The following FUT8 variants were observed in gnomAD, a reference collection of about 807,000 sequenced individuals.
FUT8 encodes the protein fucosyltransferase 8, also known as alpha-(1,6)-fucosyltransferase.
In FUT8, 29 loss-of-function variants were observed where a neutral mutation model predicts 71.3. The observed-to-expected ratio is 0.41, with a 90% CI of 0.30 to 0.55. The LOEUF (loss-of-function observed/expected upper bound fraction) is 0.55, where lower values mean the gene tolerates loss of function less well. Ranked by LOEUF, FUT8 falls within the 20% of genes least tolerant of loss-of-function variation. The pLI, the probability that FUT8 is intolerant of heterozygous loss-of-function variation, is 0.34. For missense variants in FUT8, 544 were observed against 702.1 expected (o/e 0.77, Z 2.55); for synonymous variants, 254 against 239.3 (o/e 1.06, Z -0.57).
chr14:65,471,862 CAA>C (rs1412254223), intron 2 of FUT8, among the ~76,000 whole-genome samples: 1 of 151,818 alleles, frequency 6.6e-6, no homozygotes, highest in Non-Finnish European at 1.5e-5. Context: ...TGTAACTAGT[CAA>C]AAGACTTATT....
chr14:65,532,701 T>G (rs1431760305), intron 2 of FUT8, among the ~76,000 whole-genome samples: 1 of 152,208 alleles, frequency 6.6e-6, no homozygotes, highest in Non-Finnish European at 1.5e-5. Flanking sequence ...GTCTTTGTCA[T>G]GAAATCTTTC....
At chr14:65,642,132 G>C (rs1310013476) in intron 6 of FUT8, among the ~76,000 whole-genome samples, 1 of 151,970 alleles carries the variant, frequency 6.6e-6, no homozygotes, top group Non-Finnish European at 1.5e-5. Flanking sequence ...ATTTTTTCTG[G>C]TTTCTTCTAG....
the FUT8 span, among the ~76,000 whole-genome samples, chr14:65,385,326 T>G: frequency 1.3e-5 from 2 of 149,806 alleles, no homozygotes; most frequent in African/African-American, 4.9e-5. Flanking sequence ...AAAACTTTTC[T>G]TTAATTTTTG....
chr14:65,715,527 G>A (rs1895011145), intron 7 of FUT8, among the ~76,000 whole-genome samples: 1 of 151,996 alleles, frequency 6.6e-6, no homozygotes, highest in African/African-American at 2.4e-5. Context: ...TAGTTTTGTG[G>A]TTCTTTAAGA....
At chr14:65,694,201 C>A (rs1893861928) in intron 7 of FUT8, among the ~76,000 whole-genome samples, 2 of 152,016 alleles carry the variant, frequency 1.3e-5, no homozygotes, top group Non-Finnish European at 2.9e-5. Flanking sequence ...ATTTCTTCTG[C>A]TTACTTTGGA....
chr14:65,592,083 A>G (rs1052126665), intron 3 of FUT8, among the ~76,000 whole-genome samples: 1 of 151,922 alleles, frequency 6.6e-6, no homozygotes, highest in Non-Finnish European at 1.5e-5. Context: ...AATTATGAAG[A>G]TTTTTCTGCG....
In FUT8 at chr14:65,652,478, G is replaced by T. The variant is rs902965505; in HGVS notation, c.598-16765G>T. On this transcript the variant is annotated intron_variant, in intron 6 of 10. Transcript: ENST00000673929. This position sits in a 1 kb window ranked among gnomAD's most constrained non-coding sequence, Gnocchi z 4.0. ...TGTGAGAAGCTTGAGAGGACATGAT[G>T]CTTTGGAGCTGTTACAACCATCTTG... 6.6e-6 allele frequency among the ~76,000 whole-genome samples: 1 copy of T among 152,190 alleles called. No individual in the cohort carries two copies.
chr14:65,622,241 T>C (rs1889654295), intron 5 of FUT8, among the ~76,000 whole-genome samples: 1 of 152,238 alleles, frequency 6.6e-6, no homozygotes, highest in Admixed American at 6.5e-5. Flanking sequence ...TGCTAAATAC[T>C]TAGCTTTTCT....
intron 3 of FUT8, among the ~76,000 whole-genome samples, chr14:65,591,541 C>T (rs1887686003): frequency 6.6e-6 from 1 of 152,060 alleles, no homozygotes; most frequent in Non-Finnish European, 1.5e-5. Flanking sequence ...GCTTAATTAG[C>T]ATTGGCAAAG....
chr14:65,687,505 C>T (rs193293044), intron 7 of FUT8, among the ~76,000 whole-genome samples: 64 of 152,116 alleles, frequency 4.2e-4, no homozygotes, highest in Admixed American at 8.5e-4. Context: ...ACACCTATTG[C>T]TGAAAAACCC....
At chr14:65,621,226 G>A (rs1889588341) in intron 5 of FUT8, among the ~76,000 whole-genome samples, 1 of 151,920 alleles carries the variant, frequency 6.6e-6, no homozygotes, top group African/African-American at 2.4e-5. Flanking sequence ...GTCCTACAAG[G>A]TATGCATTAT....
intron 2 of FUT8, among the ~76,000 whole-genome samples, chr14:65,495,053 G>A (rs2066537856): frequency 6.6e-6 from 1 of 151,858 alleles, no homozygotes; most frequent in Admixed American, 6.6e-5. Flanking sequence ...TGTGAAACAT[G>A]GTGTTTGTTG....
intron 3 of FUT8, among the ~76,000 whole-genome samples, chr14:65,571,864 C>G (rs142235444): frequency 6.6e-4 from 101 of 152,088 alleles, no homozygotes; most frequent in African/African-American, 2.3e-3. Flanking sequence ...GCATTGTTAC[C>G]TGTTTTTTCT....
intron 7 of FUT8, among the ~76,000 whole-genome samples, chr14:65,701,728 T>G (rs1894304031): frequency 6.6e-6 from 1 of 152,230 alleles, no homozygotes; most frequent in South Asian, 2.1e-4. Flanking sequence ...TGGCTATACA[T>G]GATGATGCAT....
intron 1 of FUT8, among the ~76,000 whole-genome samples, chr14:65,455,185 G>A (rs1594648077): frequency 6.6e-6 from 1 of 152,318 alleles, no homozygotes; most frequent in South Asian, 2.1e-4. Context: ...GGAAGTTTGT[G>A]TAGAAGATAG....
chr14:65,548,745 T>A (rs1401054698), intron 2 of FUT8, among the ~76,000 whole-genome samples: 1 of 152,008 alleles, frequency 6.6e-6, no homozygotes, highest in East Asian at 1.9e-4. Flanking sequence ...TTAAAAAATT[T>A]AAAAATTTTG....
At chr14:65,496,293 C>T (rs758070176) in intron 2 of FUT8, among the ~76,000 whole-genome samples, 25 of 152,156 alleles carry the variant, frequency 1.6e-4, no homozygotes, top group Non-Finnish European at 2.6e-4. Flanking sequence ...TTCTCAAGTG[C>T]TGTGAAACAT....
At chr14:65,683,830 T>A (rs1304245616) in intron 7 of FUT8, among the ~76,000 whole-genome samples, 1 of 152,074 alleles carries the variant, frequency 6.6e-6, no homozygotes, top group Non-Finnish European at 1.5e-5. Context: ...TCATGACATT[T>A]TTTTAAAATC....
In FUT8 at chr14:65,736,728, G is replaced by A. The variant is rs1683769236; in HGVS notation, c.1410+3347G>A. Among the ~76,000 whole-genome samples the A allele has an allele frequency of 2.0e-5, 3 of 151,976 alleles. No homozygotes were observed. In the South Asian group the frequency reaches 6.2e-4, roughly 31 times the overall value. ...GAGGAAGACTAAAGCCATACATCCA[G>A]AAGAGTGACAGAAGATAAACACTGA... On this transcript the variant is annotated intron_variant, in intron 10 of 10. Coordinates refer to ENST00000673929, the MANE Select transcript of FUT8 (RefSeq NM_001371533.1).
Sources: allele counts gnomAD v4.1 joint callset (sites outside exome capture counted in the v4.1 genomes callset), GRCh38; gene constraint gnomAD v4.1.1; non-coding constraint Gnocchi (gnomAD v3.1); transcripts MANE v1.5; gene names NCBI Gene and HGNC (gene_info 2026-07-23, HGNC 2026-07-21).